Variants in XKR9 observed in about 807,000 individuals in gnomAD.
The protein encoded by XKR9 is XK-related protein 9.
Under a neutral mutation model 32.0 loss-of-function variants are expected in XKR9, and 32 were observed. The observed-to-expected ratio is 1.00, with a 90% CI of 0.76 to 1.34. XKR9 has a LOEUF of 1.34. XKR9 is among the 40% of genes most tolerant of loss of function. The probability of loss-of-function intolerance (pLI) is 0.00; values close to 1 mark genes in which losing one functional copy is unlikely to be tolerated. For missense variants in XKR9, 546 were observed against 429.7 expected, an observed-to-expected ratio of 1.27 and a Z score of -2.39; for synonymous variants, 168 against 143.4, an observed-to-expected ratio of 1.17 and a Z score of -1.22.
At chr8:70,693,614 G>A (rs549197700) in intron 3 of XKR9, among the ~76,000 whole-genome samples, 25 of 152,282 alleles carry the variant, frequency 1.6e-4, no homozygotes, top group African/African-American at 6.0e-4. Flanking sequence ...TTGTGGCCAA[G>A]GGTCATTTGC....
At chr8:70,900,786 A>G in the XKR9 span, among the ~76,000 whole-genome samples, 1 of 152,024 alleles carries the variant, frequency 6.6e-6, no homozygotes, top group Non-Finnish European at 1.5e-5. Flanking sequence ...CATTAGGTAT[A>G]TCTCCTAATG....
chr8:70,734,226 C>G lies in XKR9; in HGVS notation c.924C>G (p.Cys308Trp). The G allele has an allele frequency of 6.2e-7, 1 of 1,612,688 alleles. No homozygotes were observed. The highest frequency in any genetic ancestry group is 8.5e-7 in the Non-Finnish European group (1 of 1,179,228). ...GGATATTGACTGTATTCTGGGTTTGCCCCCTCACTATTTTTAATCCAGACT... is the reference window on the plus strand; with the variant it reads ...GGATATTGACTGTATTCTGGGTTTGGCCCCTCACTATTTTTAATCCAGACT... ...TLGILTVFWVCPLTIFNPDYF... is the reference protein window; with the variant it reads ...TLGILTVFWVWPLTIFNPDYF... The change falls in exon 5 of 5, where the codon TGC becomes TGG. Residue 308 changes from cysteine to tryptophan, a missense_variant. Coordinates refer to ENST00000408926, the MANE Select transcript of XKR9 (RefSeq NM_001011720.2).
chr8:70,993,601 T>TA, the XKR9 span, among the ~76,000 whole-genome samples: 6 of 105,124 alleles, frequency 5.7e-5, no homozygotes, highest in Admixed American at 4.3e-4. Flanking sequence ...TCATAGGACA[T>TA]CTTCCTTCCT....
downstream of XKR9, among the ~76,000 whole-genome samples, chr8:70,793,510 A>G (rs1345080403): frequency 1.3e-5 from 2 of 152,086 alleles, no homozygotes; most frequent in Non-Finnish European, 2.9e-5. Context: ...ACTAGCACAA[A>G]TACCTTCAGC....
chr8:71,017,018 T>G, the XKR9 span, among the ~76,000 whole-genome samples: 1 of 152,210 alleles, frequency 6.6e-6, no homozygotes, highest in African/African-American at 2.4e-5. Flanking sequence ...TGCAATTAAT[T>G]AATAACTATG....
At chr8:70,993,090 T>C in the XKR9 span, among the ~76,000 whole-genome samples, 1 of 152,220 alleles carries the variant, frequency 6.6e-6, no homozygotes, top group Non-Finnish European at 1.5e-5. Flanking sequence ...AAAATCTGTC[T>C]GTTAACCTAG....
intron 4 of XKR9, among the ~76,000 whole-genome samples, chr8:70,715,122 A>G (rs1209216149): frequency 5.3e-5 from 8 of 152,224 alleles, no homozygotes; most frequent in African/African-American, 1.9e-4. Context: ...GACATCTGAA[A>G]GACAATTTAG....
the XKR9 span, among the ~76,000 whole-genome samples, chr8:70,984,991 A>G: frequency 4.6e-5 from 7 of 152,352 alleles, no homozygotes; most frequent in East Asian, 1.3e-3. Flanking sequence ...TTTCCCAAGT[A>G]TTCATAATGA....
At chr8:70,852,138 CT>C in the XKR9 span, among the ~76,000 whole-genome samples, 2 of 152,202 alleles carry the variant, frequency 1.3e-5, no homozygotes, top group African/African-American at 4.8e-5. Context: ...TGAACAGATA[CT>C]TTTCAAAGAA....
At chr8:70,783,677 T>C (rs1440140919) in intron 2 of XKR9, among the ~76,000 whole-genome samples, 2 of 152,228 alleles carry the variant, frequency 1.3e-5, no homozygotes, top group African/African-American at 4.8e-5. Context: ...CACTGTTAAT[T>C]GTTTTCTTTG....
chr8:70,700,055 G>C (rs1447654320), intron 3 of XKR9, among the ~76,000 whole-genome samples: 1 of 152,068 alleles, frequency 6.6e-6, no homozygotes, highest in Non-Finnish European at 1.5e-5. Context: ...AGCACTCTCT[G>C]TATTGGTTAT....
intron 2 of XKR9, among the ~76,000 whole-genome samples, chr8:70,677,812 G>A (rs1586803894): frequency 6.6e-6 from 1 of 152,230 alleles, no homozygotes; most frequent in East Asian, 1.9e-4. Context: ...AATAATTTAT[G>A]CCAAAAAACT....
In XKR9 at chr8:70,765,978, G is replaced by A. The variant is rs1442733721; in HGVS notation, n.353-23361G>A. ...TCCATTGTTCTATATGTCTGTTTCG[G>A]TAACAGTCTTCTTGTTTTGGTTACT... On this transcript the variant is annotated intron_variant and non_coding_transcript_variant, in intron 2 of 3. Transcript: ENST00000520273. Among the ~76,000 whole-genome samples, 3 of 152,156 alleles carry A rather than the reference G, an allele frequency of 2.0e-5. 1 individual carries two copies. The East Asian group carries it at 5.8e-4, about 29-fold the overall frequency.
At chr8:70,888,117 T>C in the XKR9 span, among the ~76,000 whole-genome samples, 1 of 152,176 alleles carries the variant, frequency 6.6e-6, no homozygotes, top group East Asian at 1.9e-4. Context: ...AATAATTGTA[T>C]CACACTATAG....
At chr8:70,759,184 G>A (rs1183223786) in intron 2 of XKR9, among the ~76,000 whole-genome samples, 1 of 152,082 alleles carries the variant, frequency 6.6e-6, no homozygotes, top group African/African-American at 2.4e-5. Context: ...GAATTTTCTT[G>A]CCAAATGTTT....
At chr8:71,012,434 T>A in the XKR9 span, among the ~76,000 whole-genome samples, 1 of 152,188 alleles carries the variant, frequency 6.6e-6, no homozygotes, top group Admixed American at 6.5e-5. Context: ...AAGTGCACCA[T>A]TAACTTAACT....
the XKR9 span, among the ~76,000 whole-genome samples, chr8:70,982,112 TG>T: frequency 6.6e-6 from 1 of 152,236 alleles, no homozygotes; most frequent in Admixed American, 6.5e-5. Flanking sequence ...GATTTTGTGT[TG>T]TTTGGCCTCC....
At chr8:70,728,450 G>A (rs925138627) in intron 4 of XKR9, among the ~76,000 whole-genome samples, 8 of 152,096 alleles carry the variant, frequency 5.3e-5, no homozygotes, top group South Asian at 4.1e-4. Flanking sequence ...TGTTAAAGGC[G>A]TTAGTATTGT....
rs1275643952 is a variant in XKR9 at position 70,742,652 on chromosome 8, A to G, written n.352+35499A>G. The stretch of plus-strand genomic sequence containing the variant: ...TTTATTTATCTTTCATTCTTGTAGG[A>G]TATTTTTGTTGGATATAGAGTTCTG... On this transcript the variant is annotated intron_variant and non_coding_transcript_variant, in intron 2 of 3. Coordinates refer to the XKR9 transcript ENST00000520273. 2.6e-5 allele frequency among the ~76,000 whole-genome samples: 4 copies of G among 151,596 alleles called. No homozygotes were observed. The East Asian group carries it at 7.8e-4, about 29-fold the overall frequency.
Sources: allele counts gnomAD v4.1 joint callset (sites outside exome capture counted in the v4.1 genomes callset), GRCh38; gene constraint gnomAD v4.1.1; transcripts MANE v1.5; gene names NCBI Gene and HGNC (gene_info 2026-07-23, HGNC 2026-07-21).